RNF6: variants seen among roughly 807,000 people sequenced by gnomAD.
RNF6 encodes the protein E3 ubiquitin-protein ligase RNF6.
Under a neutral mutation model 50.1 loss-of-function variants are expected in RNF6, and 21 were observed. That is an observed-to-expected ratio of 0.42 (90% CI 0.30 to 0.60). The LOEUF (loss-of-function observed/expected upper bound fraction) is 0.60, where lower values mean the gene tolerates loss of function less well. RNF6 is among the 20% of genes least tolerant of loss of function. RNF6 has a pLI of 0.20. For synonymous variants in RNF6, 255 were observed against 291.8 expected, an observed-to-expected ratio of 0.87 and a Z score of 1.29; for missense variants, 698 against 838.2, an observed-to-expected ratio of 0.83 and a Z score of 2.07.
At position 26,192,792 on chromosome 13, in the gene RNF6, C is replaced by T. The variant is rs562551101; in HGVS notation, n.768+22682G>A. The stretch of plus-strand genomic sequence containing the variant: ...AGCTCTGAAGTAGGTCTTTCTCAGT[C>T]GAGCCTTCAGATGAGACCCCAGCCT... On this transcript the variant is annotated intron_variant and non_coding_transcript_variant, in intron 5 of 5. Coordinates refer to the RNF6 transcript ENST00000468480. Among the ~76,000 whole-genome samples the T allele has an allele frequency of 1.0e-3, 155 of 152,292 alleles. 1 individual carries two copies. In the Middle Eastern group the frequency reaches 0.014, roughly 13 times the overall value.
intron 5 of RNF6, among the ~76,000 whole-genome samples, chr13:26,144,237 T>C (rs1871112874): frequency 1.3e-5 from 2 of 152,096 alleles, no homozygotes; most frequent in South Asian, 4.1e-4. Flanking sequence ...ACTTTGTTTA[T>C]GGGCTCAATG....
intron 5 of RNF6, among the ~76,000 whole-genome samples, chr13:26,163,198 G>T: frequency 6.6e-6 from 1 of 152,116 alleles, no homozygotes; most frequent in East Asian, 1.9e-4. Flanking sequence ...TGTAGTCCCA[G>T]CTACTTGGGA....
intron 5 of RNF6, among the ~76,000 whole-genome samples, chr13:26,163,203 T>C (rs1247216055): frequency 6.6e-6 from 1 of 152,092 alleles, no homozygotes; most frequent in African/African-American, 2.4e-5. Context: ...TCCCAGCTAC[T>C]TGGGAGGTTG....
chr13:26,150,066 A>AGTG (rs1871509312), intron 5 of RNF6, among the ~76,000 whole-genome samples: 1 of 146,662 alleles, frequency 6.8e-6, no homozygotes, highest in African/African-American at 2.5e-5. Flanking sequence ...ATATATATAC[A>AGTG]TATACATACA....
chr13:26,178,438 T>TA (rs1397291400), intron 5 of RNF6, among the ~76,000 whole-genome samples: 1 of 136,024 alleles, frequency 7.4e-6, no homozygotes, highest in Non-Finnish European at 1.5e-5. Context: ...CCCCATGACC[T>TA]AAACACCTCC....
chr13:26,181,536 C>T (rs898074853), intron 5 of RNF6, among the ~76,000 whole-genome samples: 26 of 152,278 alleles, frequency 1.7e-4, no homozygotes, highest in South Asian at 1.0e-3. Context: ...GAAATGTCCA[C>T]GTCCAGTCTC....
chr13:26,159,228 A>G (rs1423628356), intron 5 of RNF6, among the ~76,000 whole-genome samples: 1 of 152,218 alleles, frequency 6.6e-6, no homozygotes, highest in Non-Finnish European at 1.5e-5. Flanking sequence ...AATGTTCACA[A>G]AATTTTAAAT....
chr13:26,198,085 ATATG>A (rs1239663708), intron 5 of RNF6, among the ~76,000 whole-genome samples: 10 of 150,716 alleles, frequency 6.6e-5, no homozygotes, highest in African/African-American at 1.5e-4. Flanking sequence ...ATATGTGAGA[ATATG>A]TATGTGTGTG....
intron 5 of RNF6, among the ~76,000 whole-genome samples, chr13:26,180,956 T>A (rs1873207834): frequency 6.6e-6 from 1 of 152,224 alleles, no homozygotes; most frequent in South Asian, 2.1e-4. Context: ...TAGTCGGAGA[T>A]GTTCTTGTCT....
chr13:26,140,263 G>C (rs1032080203), intron 5 of RNF6, among the ~76,000 whole-genome samples: 1 of 152,140 alleles, frequency 6.6e-6, no homozygotes, highest in Non-Finnish European at 1.5e-5. Flanking sequence ...ATTGAAAGGA[G>C]TTTAATTGAG....
intron 5 of RNF6, among the ~76,000 whole-genome samples, chr13:26,143,039 G>A (rs1226836605): frequency 6.6e-6 from 1 of 152,110 alleles, no homozygotes; most frequent in Admixed American, 6.5e-5. Context: ...CTTGTCATGT[G>A]GTTGTAGCTG....
intron 5 of RNF6, among the ~76,000 whole-genome samples, chr13:26,206,528 A>G (rs12869931): frequency 0.21 from 31,221 of 152,146 alleles, 3,727 homozygotes; most frequent in East Asian, 0.4. Context: ...GCACTTGAAT[A>G]GTATTTCAGA....
At chr13:26,216,018 G>T (rs1216765586) in intron 4 of RNF6, among the ~76,000 whole-genome samples, 1 of 152,188 alleles carries the variant, frequency 6.6e-6, no homozygotes, top group Non-Finnish European at 1.5e-5. Context: ...TTCTGGAAAA[G>T]CCAACTCAGT....
chr13:26,199,921 C>T (rs1390355204), intron 5 of RNF6, among the ~76,000 whole-genome samples: 1 of 152,098 alleles, frequency 6.6e-6, no homozygotes. Flanking sequence ...AAGGTGGAGC[C>T]CCCATGAATT....
At chr13:26,191,229 C>CTTTTTTTTTTTTTTTTTTTTTTTT (rs1555318543) in intron 5 of RNF6, among the ~76,000 whole-genome samples, 6 of 151,818 alleles carry the variant, frequency 4.0e-5, no homozygotes, top group Non-Finnish European at 8.8e-5. Context: ...AAGGGACATT[C>CTTTTTTTTTTTTTTTTTTTTTTTT]TTATCTCCAA....
intron 5 of RNF6, among the ~76,000 whole-genome samples, chr13:26,153,160 G>A (rs79888139): frequency 0.027 from 3,994 of 146,052 alleles, 180 homozygotes; most frequent in African/African-American, 0.093. Context: ...CTCAAGAAAA[G>A]AAAAAAAAAA....
intron 5 of RNF6, among the ~76,000 whole-genome samples, chr13:26,159,330 A>T (rs1400182561): frequency 1.3e-5 from 2 of 152,182 alleles, no homozygotes; most frequent in Non-Finnish European, 2.9e-5. Context: ...TAGTGTTAAT[A>T]TTAAAAATTT....
intron 5 of RNF6, among the ~76,000 whole-genome samples, chr13:26,186,962 A>G (rs1223941406): frequency 6.6e-6 from 1 of 152,006 alleles, no homozygotes; most frequent in Non-Finnish European, 1.5e-5. Context: ...TATTTTTAGT[A>G]GAGACGGGGT....
At position 26,214,123 on chromosome 13, in the gene RNF6, G is replaced by A. The variant is rs1869551724; in HGVS notation, c.1759C>T (p.Arg587Cys). 6.2e-6 allele frequency: 10 copies of A among 1,614,070 alleles called. No individual in the cohort carries two copies. In the Admixed American group the frequency reaches 8.3e-5, roughly 13 times the overall value. Residue 587 changes from arginine (R) to cysteine (C), a missense_variant, in exon 5 of 5, where the codon CGC (arginine) becomes TGC (cysteine). Physicochemically the swap from Arg to Cys is radical, Grantham distance 180 (BLOSUM62 -3). Transcript: ENST00000381588. ...TTTAGTAAAAAAAAGTGAGCAAGGC[G>A]AAGAATGGGTAGTGTTCCAGTTTCA... is the stretch of plus-strand genomic sequence containing the variant. ...LVETGTLPILRLAHFFLLNES... is the reference protein window; with the variant it reads ...LVETGTLPILCLAHFFLLNES...
Sources: allele counts gnomAD v4.1 joint callset (sites outside exome capture counted in the v4.1 genomes callset), GRCh38; gene constraint gnomAD v4.1.1; transcripts MANE v1.5; gene names NCBI Gene and HGNC (gene_info 2026-07-23, HGNC 2026-07-21).